Variants in SLC44A5 observed in about 807,000 individuals in gnomAD.
The protein encoded by SLC44A5 is choline transporter-like protein 5.
In SLC44A5, 57 loss-of-function variants were observed where a neutral mutation model predicts 101.8. The observed-to-expected ratio is 0.56, with a 90% CI of 0.45 to 0.70. The LOEUF (loss-of-function observed/expected upper bound fraction) is 0.70, where lower values mean the gene tolerates loss of function less well. Ranked by LOEUF, SLC44A5 falls within the 30% of genes least tolerant of loss-of-function variation. The pLI is 0.00. For synonymous variants in SLC44A5, 281 were observed against 290.9 expected (o/e 0.97, Z 0.35); for missense variants, 737 against 853.1 (o/e 0.86, Z 1.70).
At chr1:75,364,907 T>C (rs1166212256) in intron 3 of SLC44A5, among the ~76,000 whole-genome samples, 1 of 152,122 alleles carries the variant, frequency 6.6e-6, no homozygotes, top group Non-Finnish European at 1.5e-5. Context: ...ACTTATTGTA[T>C]TTTTATTTCT....
At chr1:75,268,652 T>C (rs1218172051) in intron 6 of SLC44A5, among the ~76,000 whole-genome samples, 4 of 152,172 alleles carry the variant, frequency 2.6e-5, no homozygotes, top group African/African-American at 7.2e-5. Context: ...GACTTTTTTC[T>C]TGCATATGTT....
intron 2 of SLC44A5, among the ~76,000 whole-genome samples, chr1:75,525,837 C>T (rs563738802): frequency 2.2e-4 from 33 of 152,078 alleles, no homozygotes; most frequent in Non-Finnish European, 4.3e-4. Context: ...AGTTCACATA[C>T]TTACAAATAG....
intron 5 of SLC44A5, among the ~76,000 whole-genome samples, chr1:75,296,844 G>A (rs559800663): frequency 1.3e-5 from 2 of 152,182 alleles, no homozygotes; most frequent in Admixed American, 6.5e-5. Flanking sequence ...CAAACTCACT[G>A]GCTTAATATA....
At chr1:75,609,952 G>A (rs904216998) in intron 1 of SLC44A5, among the ~76,000 whole-genome samples, 14 of 151,532 alleles carry the variant, frequency 9.2e-5, no homozygotes, top group African/African-American at 2.9e-4. Context: ...GCTCTGGGTC[G>A]GGGCTATCAT....
chr1:75,658,005 T>C, the SLC44A5 span, among the ~76,000 whole-genome samples: 1 of 152,172 alleles, frequency 6.6e-6, no homozygotes, highest in East Asian at 1.9e-4. Context: ...ATAATACACA[T>C]AATACACATT....
At chr1:75,586,133 T>C (rs1673972381) in intron 1 of SLC44A5, among the ~76,000 whole-genome samples, 1 of 152,250 alleles carries the variant, frequency 6.6e-6, no homozygotes, top group East Asian at 1.9e-4. Context: ...TCCTGCCTAA[T>C]ATGGGTGGGC....
Position 75,561,249 on chromosome 1 carries a change from A to T in SLC44A5, c.-69-19733T>A, listed in dbSNP as rs142212395. On this transcript the variant is annotated intron_variant, in intron 1 of 23. Transcript: ENST00000370859. ...ACATGGAGTCTCCCAGTATACTTTCAGAGCTTATTATTAGTAAATTTCATG... is the reference window on the plus strand; with the variant it reads ...ACATGGAGTCTCCCAGTATACTTTCTGAGCTTATTATTAGTAAATTTCATG... Among the ~76,000 whole-genome samples, 1,236 of 152,316 alleles carry T rather than the reference A, an allele frequency of 8.1e-3. 15 individuals carry two copies. Among genetic ancestry groups the T allele is most frequent in the African/African-American group, 0.028 (1,167 of 41,562 alleles).
chr1:75,241,147 T>G (rs1477460692), intron 9 of SLC44A5, among the ~76,000 whole-genome samples: 1 of 152,020 alleles, frequency 6.6e-6, no homozygotes, highest in Non-Finnish European at 1.5e-5. Context: ...TGATGGACAT[T>G]TTAATGTAAA....
chr1:75,218,109 C>A (rs1028446092), intron 17 of SLC44A5, 149 bp from the exon 18 acceptor site: 4 of 637,320 alleles, frequency 6.3e-6, no homozygotes, highest in South Asian at 6.0e-5. Context: ...TGATAAAAGT[C>A]TCTATAGAGG....
chr1:75,641,352 T>C, the SLC44A5 span: 2 of 743,926 alleles, frequency 2.7e-6, no homozygotes, highest in Non-Finnish European at 4.7e-6. Context: ...CTCTTAACAT[T>C]AGTATCGTCT....
rs564772779 is a variant in SLC44A5 at position 75,538,936 on chromosome 1, A to G, written c.13+2499T>C. Among the ~76,000 whole-genome samples the G allele has an allele frequency of 1.7e-3, 264 of 151,562 alleles. 2 individuals are homozygous for G. The highest frequency in any genetic ancestry group is 5.9e-3 in the African/African-American group (243 of 41,406). ...CCCCAGTCACAGGAGCCAGTGGCAC[A>G]TTCTGAAAGGTATCCAAGACATTTG... On this transcript the variant is annotated intron_variant, in intron 2 of 23. Coordinates refer to ENST00000370859, the MANE Select transcript of SLC44A5 (RefSeq NM_001130058.2).
At chr1:75,355,001 CT>C (rs1361057225) in intron 3 of SLC44A5, among the ~76,000 whole-genome samples, 1 of 152,138 alleles carries the variant, frequency 6.6e-6, no homozygotes, top group Admixed American at 6.6e-5. Flanking sequence ...TAATGTATAT[CT>C]GTTTCTCGAT....
intron 1 of SLC44A5, among the ~76,000 whole-genome samples, chr1:75,567,524 G>T (rs1050674948): frequency 2.0e-5 from 3 of 152,108 alleles, no homozygotes; most frequent in Non-Finnish European, 4.4e-5. Flanking sequence ...ATTCATATAG[G>T]ATGGCCTGGT....
At chr1:75,227,923 T>C in intron 12 of SLC44A5, 66 bp from the exon 13 acceptor site, 1 of 1,279,794 alleles carries the variant, frequency 7.8e-7, no homozygotes, top group African/African-American at 1.5e-5. Flanking sequence ...CTATATGTGC[T>C]CATCATACAT....
the SLC44A5 span, among the ~76,000 whole-genome samples, chr1:75,617,370 A>T: frequency 5.3e-5 from 8 of 152,296 alleles, no homozygotes; most frequent in Middle Eastern, 3.4e-3. Flanking sequence ...GGCAAAAAGA[A>T]CAGTGAAGTC....
chr1:75,261,054 T>C (rs1011783229), intron 6 of SLC44A5, among the ~76,000 whole-genome samples: 6 of 151,842 alleles, frequency 4.0e-5, no homozygotes, highest in Non-Finnish European at 7.4e-5. Context: ...TAGCACCAAA[T>C]GCCCACAAGA....
intron 1 of SLC44A5, 81 bp downstream of exon 1, chr1:75,610,959 A>G (rs990109755): frequency 4.5e-6 from 2 of 448,780 alleles, no homozygotes; most frequent in South Asian, 9.5e-5. Context: ...CTTGAGTTGT[A>G]TAGAATACGT....
At chr1:75,596,111 T>C (rs1674616535) in intron 1 of SLC44A5, among the ~76,000 whole-genome samples, 1 of 152,144 alleles carries the variant, frequency 6.6e-6, no homozygotes, top group African/African-American at 2.4e-5. Flanking sequence ...TCACTTTTTC[T>C]TTTTCTTTCA....
intron 9 of SLC44A5, among the ~76,000 whole-genome samples, chr1:75,239,740 C>T (rs902477127): frequency 2.0e-5 from 3 of 152,066 alleles, no homozygotes; most frequent in Non-Finnish European, 4.4e-5. Flanking sequence ...CCAGTGATCC[C>T]AATGACCTCT....
Sources: allele counts gnomAD v4.1 joint callset (sites outside exome capture counted in the v4.1 genomes callset), GRCh38; gene constraint gnomAD v4.1.1; transcripts MANE v1.5; gene names NCBI Gene and HGNC (gene_info 2026-07-23, HGNC 2026-07-21).